Variants in TAB2 observed in about 807,000 individuals in gnomAD.
TAB2 encodes TGF-beta activated kinase 1 (MAP3K7) binding protein 2.
In TAB2, 3 loss-of-function variants were observed where a neutral mutation model predicts 65.0. The ratio of observed to expected loss-of-function variants is 0.05; its 90% confidence interval spans 0.02 to 0.12. The LOEUF (loss-of-function observed/expected upper bound fraction) is 0.12, where lower values mean the gene tolerates loss of function less well. TAB2 is among the 10% of genes least tolerant of loss of function. TAB2 has a pLI of 1.00. For missense variants in TAB2, 623 were observed against 840.3 expected (o/e 0.74, Z 3.20); for synonymous variants, 298 against 285.1 (o/e 1.05, Z -0.46).
chr6:149,406,861 G>A (rs531051048), intron 6 of TAB2, among the ~76,000 whole-genome samples: 23 of 152,222 alleles, frequency 1.5e-4, no homozygotes, highest in African/African-American at 5.5e-4. Flanking sequence ...TGGATTACAG[G>A]CATGCGCCAC....
intron 1 of TAB2, among the ~76,000 whole-genome samples, chr6:149,306,490 G>A (rs776408491): frequency 3.3e-5 from 5 of 151,380 alleles, no homozygotes; most frequent in Non-Finnish European, 7.4e-5. Context: ...ACCAGGAGGC[G>A]GAGCTTGCAG....
At chr6:149,350,591 T>TA (rs1223076024) in intron 1 of TAB2, among the ~76,000 whole-genome samples, 1 of 151,154 alleles carries the variant, frequency 6.6e-6, no homozygotes, top group Non-Finnish European at 1.5e-5. Context: ...TACTGTTTGA[T>TA]ATTCGGCATG....
chr6:149,265,895 G>T (rs887695977), intron 1 of TAB2, among the ~76,000 whole-genome samples: 1 of 152,150 alleles, frequency 6.6e-6, no homozygotes, highest in African/African-American at 2.4e-5. Context: ...GGTTGCCCCT[G>T]AGCGAGGAAT....
rs1781396234 is a variant in TAB2, at chr6:149,376,336, ACAGT to A, written c.103-1679_103-1676del. Among the ~76,000 whole-genome samples, 3 of 152,210 alleles carry A rather than the reference ACAGT, an allele frequency of 2.0e-5. No individual in the cohort carries two copies. The South Asian group carries it at 6.2e-4, about 32-fold the overall frequency. On this transcript the variant is annotated intron_variant, in intron 2 of 6. Transcript: ENST00000637181. ...AGTAGCTCTCCTCATTGCTTATAAT[ACAGT>A]CAAACTCTAGCGTGACTTATTTTTC...
intron 3 of TAB2, among the ~76,000 whole-genome samples, chr6:149,386,885 T>G (rs1006511706): frequency 6.6e-5 from 10 of 152,232 alleles, no homozygotes; most frequent in Non-Finnish European, 2.9e-5. Context: ...CATCATTTCA[T>G]GTGCTTACTG....
chr6:149,358,663 T>TGTGTGC (rs1464488500), intron 1 of TAB2, among the ~76,000 whole-genome samples: 2 of 151,570 alleles, frequency 1.3e-5, no homozygotes, highest in African/African-American at 4.8e-5. Flanking sequence ...TGTGTGTGTG[T>TGTGTGC]GTGTGTGTGT....
At chr6:149,268,988 A>G (rs1934358530) in intron 1 of TAB2, among the ~76,000 whole-genome samples, 2 of 152,194 alleles carry the variant, frequency 1.3e-5, no homozygotes, top group Admixed American at 1.3e-4. Flanking sequence ...ATCAAAGTAC[A>G]AGGGGCTCCT....
At chr6:149,232,232 T>C (rs961236594) in intron 1 of TAB2, among the ~76,000 whole-genome samples, 1 of 151,808 alleles carries the variant, frequency 6.6e-6, no homozygotes, top group African/African-American at 2.4e-5. Context: ...CAAAGGGAGT[T>C]TGATTTTTTT....
chr6:149,236,598 T>C (rs1191819872), intron 1 of TAB2, among the ~76,000 whole-genome samples: 2 of 152,226 alleles, frequency 1.3e-5, no homozygotes, highest in African/African-American at 4.8e-5. Flanking sequence ...GGGGAAGTTC[T>C]TTTTTATATA....
chr6:149,359,097 C>T (rs1386633825), intron 1 of TAB2, among the ~76,000 whole-genome samples: 1 of 151,958 alleles, frequency 6.6e-6, no homozygotes, highest in Non-Finnish European at 1.5e-5. Context: ...CTCTTACATT[C>T]TTAGATATTA....
intron 1 of TAB2, among the ~76,000 whole-genome samples, chr6:149,229,487 G>A (rs550139944): frequency 6.6e-6 from 1 of 152,156 alleles, no homozygotes; most frequent in African/African-American, 2.4e-5. Flanking sequence ...TGGGGAGTCT[G>A]CACAATTGAT....
chr6:149,309,312 A>G (rs997047884), intron 1 of TAB2, among the ~76,000 whole-genome samples: 3 of 151,988 alleles, frequency 2.0e-5, no homozygotes, highest in Non-Finnish European at 2.9e-5. Flanking sequence ...AACCCTTTAC[A>G]TATGTTCATT....
In TAB2 at chr6:149,409,649, C is replaced by A. The variant is rs1242609149; in HGVS notation, c.2012C>A (p.Thr671Asn). 1 of 1,613,978 alleles carries A rather than the reference C, an allele frequency of 6.2e-7. No homozygotes were observed. The highest frequency in any genetic ancestry group is 1.3e-5 in the African/African-American group (1 of 74,926). ...EDDEGAQWNC[T>N]ACTFLNHPAL... ...GATGAGGGAGCTCAGTGGAATTGTACCGCCTGTACTTTTTTGAACCATCCA... is the reference window on the plus strand; with the variant it reads ...GATGAGGGAGCTCAGTGGAATTGTAACGCCTGTACTTTTTTGAACCATCCA... The change falls in exon 7 of 7, where the codon ACC becomes AAC. Residue 671 changes from threonine (T) to asparagine (N), a missense_variant. Transcript: ENST00000637181.
intron 1 of TAB2, among the ~76,000 whole-genome samples, chr6:149,326,804 C>T (rs1315328954): frequency 6.6e-6 from 1 of 152,152 alleles, no homozygotes; most frequent in Non-Finnish European, 1.5e-5. Context: ...CATCCTCAGC[C>T]TTGCTTTTTT....
At chr6:149,334,952 G>A (rs1293870491) in intron 1 of TAB2, among the ~76,000 whole-genome samples, 1 of 152,114 alleles carries the variant, frequency 6.6e-6, no homozygotes, top group East Asian at 1.9e-4. Context: ...TTTTGGACAA[G>A]GTGACTTTAG....
intron 1 of TAB2, among the ~76,000 whole-genome samples, chr6:149,241,052 CA>C (rs1344932300): frequency 1.3e-5 from 2 of 151,836 alleles, no homozygotes; most frequent in African/African-American, 4.8e-5. Flanking sequence ...CACACAAGCA[CA>C]AAAAAAGAGG....
At chr6:149,232,456 A>C (rs1445628969) in intron 1 of TAB2, among the ~76,000 whole-genome samples, 1 of 152,126 alleles carries the variant, frequency 6.6e-6, no homozygotes. Context: ...AGGATTCCTG[A>C]CCTCAAGTGT....
At chr6:149,393,576 A>G (rs1005426838) in intron 3 of TAB2, among the ~76,000 whole-genome samples, 2 of 152,112 alleles carry the variant, frequency 1.3e-5, no homozygotes, top group African/African-American at 4.8e-5. Context: ...TCCTACTAAT[A>G]TTGGCCTTCT....
chr6:149,298,403 C>A (rs1231000404), intron 1 of TAB2, among the ~76,000 whole-genome samples: 1 of 152,174 alleles, frequency 6.6e-6, no homozygotes, highest in Non-Finnish European at 1.5e-5. Context: ...CCAAGGTGGG[C>A]AATGGCTTGA....
Sources: allele counts gnomAD v4.1 joint callset (sites outside exome capture counted in the v4.1 genomes callset), GRCh38; gene constraint gnomAD v4.1.1; transcripts MANE v1.5; gene names NCBI Gene and HGNC (gene_info 2026-07-23, HGNC 2026-07-21).